Variants in L3MBTL4 observed in about 807,000 individuals in gnomAD.
L3MBTL4 encodes lethal(3)malignant brain tumor-like protein 4.
L3MBTL4 carries 70 observed loss-of-function variants against 84.5 expected under a neutral mutation model. That is an observed-to-expected ratio of 0.83 (90% CI 0.68 to 1.01). The LOEUF (loss-of-function observed/expected upper bound fraction) is 1.01. Among genes scored for constraint, L3MBTL4 ranks in the 50% least tolerant of loss-of-function variants. The pLI, the probability that L3MBTL4 is intolerant of heterozygous loss-of-function variation, is 0.00. For synonymous variants in L3MBTL4, 274 were observed against 259.8 expected, an observed-to-expected ratio of 1.05 and a Z score of -0.52; for missense variants, 715 against 754.8, an observed-to-expected ratio of 0.95 and a Z score of 0.62.
chr18:5,980,010 G>C (rs1347068930), intron 16 of L3MBTL4, among the ~76,000 whole-genome samples: 1 of 152,198 alleles, frequency 6.6e-6, no homozygotes, highest in Non-Finnish European at 1.5e-5. Flanking sequence ...TGGGAAAACA[G>C]GGCTGCTGCT....
At chr18:6,413,729 CGA>C (rs1290753795) in intron 1 of L3MBTL4, among the ~76,000 whole-genome samples, 2 of 152,138 alleles carry the variant, frequency 1.3e-5, no homozygotes, top group Admixed American at 6.5e-5. Context: ...GAAGTGAGAG[CGA>C]GTCTTCAGCA....
chr18:6,091,545 C>G (rs1332956275), intron 15 of L3MBTL4, among the ~76,000 whole-genome samples: 3 of 152,180 alleles, frequency 2.0e-5, no homozygotes, highest in African/African-American at 7.2e-5. Context: ...ATTCTCGACT[C>G]CTTCTATCTG....
intron 16 of L3MBTL4, among the ~76,000 whole-genome samples, chr18:6,071,009 T>C (rs1188334747): frequency 1.3e-5 from 2 of 152,090 alleles, no homozygotes; most frequent in Admixed American, 6.5e-5. Flanking sequence ...GAGAATGGTA[T>C]ACTCACATGA....
rs576715769 is a variant in L3MBTL4 at position 6,168,088 on chromosome 18, A to G, written c.1096+3740T>C. ...ACTCCCATTCACAATTGCTTCAAAG[A>G]GAATAAAATAAATAGGAATCCAACT... On this transcript the variant is annotated intron_variant, in intron 13 of 18. Transcript: ENST00000317931. Among the ~76,000 whole-genome samples, 571 of 152,340 alleles carry G rather than the reference A, an allele frequency of 3.7e-3. 2 individuals are homozygous for G. Among genetic ancestry groups the G allele is most frequent in the African/African-American group, 0.013 (536 of 41,568 alleles).
intron 13 of L3MBTL4, among the ~76,000 whole-genome samples, chr18:6,146,473 G>A (rs1163964687): frequency 1.3e-5 from 2 of 152,208 alleles, no homozygotes; most frequent in Non-Finnish European, 2.9e-5. Context: ...CTGCGGAGAA[G>A]GCGCTCAGTC....
intron 1 of L3MBTL4, among the ~76,000 whole-genome samples, chr18:6,315,776 G>A (rs1655334640): frequency 6.6e-6 from 1 of 152,214 alleles, no homozygotes; most frequent in Non-Finnish European, 1.5e-5. Context: ...CTCATGTGGA[G>A]CCTGTCTGCA....
At chr18:5,999,194 T>G (rs886627568) in intron 16 of L3MBTL4, among the ~76,000 whole-genome samples, 1 of 152,236 alleles carries the variant, frequency 6.6e-6, no homozygotes. Flanking sequence ...TGCTTTTGAT[T>G]ATCAAATCTG....
At chr18:6,201,489 T>C (rs965568088) in intron 12 of L3MBTL4, among the ~76,000 whole-genome samples, 1 of 152,218 alleles carries the variant, frequency 6.6e-6, no homozygotes, top group African/African-American at 2.4e-5. Context: ...GGCTTAGGGC[T>C]GTCTTGGACA....
intron 1 of L3MBTL4, among the ~76,000 whole-genome samples, chr18:6,385,803 T>C (rs893791203): frequency 6.6e-6 from 1 of 152,214 alleles, no homozygotes; most frequent in Non-Finnish European, 1.5e-5. Context: ...ATAAACTCAA[T>C]TCCTATATGG....
chr18:6,345,227 AAAAAAAAAAG>A (rs2052822429), intron 1 of L3MBTL4, among the ~76,000 whole-genome samples: 2 of 133,412 alleles, frequency 1.5e-5, no homozygotes, highest in East Asian at 2.0e-4. Flanking sequence ...AAAAAAAAAA[AAAAAAAAAAG>A]AAAAAAAAAA....
chr18:6,282,561 G>T (rs916967318), intron 4 of L3MBTL4, among the ~76,000 whole-genome samples: 8 of 152,178 alleles, frequency 5.3e-5, no homozygotes, highest in African/African-American at 1.9e-4. Context: ...GGGGCACATT[G>T]CAGGAGACGA....
At chr18:6,047,219 A>C (rs1397706829) in intron 16 of L3MBTL4, among the ~76,000 whole-genome samples, 3 of 152,194 alleles carry the variant, frequency 2.0e-5, no homozygotes, top group African/African-American at 7.2e-5. Context: ...AACCTTGAGC[A>C]GACCAACATC....
chr18:6,213,890 T>C (rs1431599489), intron 11 of L3MBTL4, among the ~76,000 whole-genome samples: 2 of 152,232 alleles, frequency 1.3e-5, no homozygotes, highest in African/African-American at 4.8e-5. Context: ...CTTATTACAG[T>C]TCCTATATTA....
chr18:6,038,552 C>T (rs148554514), intron 16 of L3MBTL4, among the ~76,000 whole-genome samples: 388 of 152,246 alleles, frequency 2.5e-3, no homozygotes, highest in Non-Finnish European at 4.6e-3. Flanking sequence ...CTGCACCTGG[C>T]CTCTGGATCA....
chr18:6,351,663 T>G (rs1371159393), intron 1 of L3MBTL4, among the ~76,000 whole-genome samples: 5 of 152,074 alleles, frequency 3.3e-5, no homozygotes, highest in Non-Finnish European at 7.4e-5. Context: ...GCCATTCTCC[T>G]GCCTCAGCCT....
At chr18:6,231,708 T>C (rs1177224427) in intron 10 of L3MBTL4, among the ~76,000 whole-genome samples, 1 of 152,188 alleles carries the variant, frequency 6.6e-6, no homozygotes, top group African/African-American at 2.4e-5. Context: ...TGATTGTTTA[T>C]TGTTACAGTA....
intron 14 of L3MBTL4, among the ~76,000 whole-genome samples, chr18:6,109,701 C>T (rs1022451069): frequency 2.0e-5 from 3 of 152,134 alleles, no homozygotes; most frequent in Non-Finnish European, 4.4e-5. Flanking sequence ...TTGGAAGCTG[C>T]CCGTGCACCC....
intron 13 of L3MBTL4, among the ~76,000 whole-genome samples, chr18:6,160,504 G>T (rs937639024): frequency 1.2e-4 from 19 of 152,160 alleles, no homozygotes; most frequent in Non-Finnish European, 2.5e-4. Context: ...GGCCAAGGTG[G>T]GCGGATCACC....
At chr18:6,046,503 G>T (rs2056624989) in intron 16 of L3MBTL4, among the ~76,000 whole-genome samples, 1 of 151,932 alleles carries the variant, frequency 6.6e-6, no homozygotes, top group African/African-American at 2.4e-5. Flanking sequence ...TACATGATTG[G>T]CCATAAAGCA....
Sources: allele counts gnomAD v4.1 joint callset (sites outside exome capture counted in the v4.1 genomes callset), GRCh38; gene constraint gnomAD v4.1.1; transcripts MANE v1.5; gene names NCBI Gene and HGNC (gene_info 2026-07-23, HGNC 2026-07-21).